ESRRG: variants seen among roughly 807,000 people sequenced by gnomAD.
The protein encoded by ESRRG is estrogen related receptor gamma, also known as estrogen-related receptor gamma.
A neutral mutation model predicts 44.0 loss-of-function variants in ESRRG; 13 were observed. The observed-to-expected ratio is 0.30, with a 90% CI of 0.19 to 0.47. The LOEUF (loss-of-function observed/expected upper bound fraction) is 0.47, where lower values mean the gene tolerates loss of function less well. Among genes scored for constraint, ESRRG ranks in the 20% least tolerant of loss-of-function variants. ESRRG has a pLI of 1.00. For synonymous variants in ESRRG, 215 were observed against 214.6 expected, an observed-to-expected ratio of 1.00 and a Z score of -0.02; for missense variants, 395 against 580.6, an observed-to-expected ratio of 0.68 and a Z score of 3.29.
intron 5 of ESRRG, among the ~76,000 whole-genome samples, chr1:216,536,157 ACTT>A (rs1324960392): frequency 6.6e-6 from 1 of 151,944 alleles, no homozygotes; most frequent in Non-Finnish European, 1.5e-5. Flanking sequence ...TTCTGTGTTC[ACTT>A]CTTCTCTTCT....
chr1:216,677,918 A>G (rs2076383535), intron 1 of ESRRG, among the ~76,000 whole-genome samples: 1 of 152,168 alleles, frequency 6.6e-6, no homozygotes, highest in African/African-American at 2.4e-5. Flanking sequence ...CCATTTCTAA[A>G]ATTGTATTTA....
At chr1:216,720,081 G>A (rs1194049327) in intron 1 of ESRRG, among the ~76,000 whole-genome samples, 1 of 152,014 alleles carries the variant, frequency 6.6e-6, no homozygotes. Context: ...CTCAGGAACA[G>A]TTGTTTTTTT....
chr1:217,123,133 A>G (rs954498862), intron 1 of ESRRG, among the ~76,000 whole-genome samples: 1 of 152,202 alleles, frequency 6.6e-6, no homozygotes, highest in Non-Finnish European at 1.5e-5. Flanking sequence ...AGAAATGCTA[A>G]CCAATGGAAA....
intron 4 of ESRRG, among the ~76,000 whole-genome samples, chr1:216,565,495 T>C (rs893552005): frequency 9.2e-5 from 14 of 152,208 alleles, no homozygotes; most frequent in African/African-American, 3.4e-4. Context: ...TCTAAGTTTT[T>C]AACTTTTTTA....
intron 3 of ESRRG, among the ~76,000 whole-genome samples, chr1:216,645,648 G>A (rs919997843): frequency 2.0e-5 from 3 of 151,966 alleles, no homozygotes; most frequent in African/African-American, 7.2e-5. Context: ...GAAACTGGAG[G>A]ATCACTTGGG....
chr1:216,538,373 G>A (rs1318507467), intron 5 of ESRRG, among the ~76,000 whole-genome samples: 1 of 152,042 alleles, frequency 6.6e-6, no homozygotes, highest in Admixed American at 6.6e-5. Context: ...CATCTTGAAT[G>A]AGGACAAAAG....
intron 2 of ESRRG, among the ~76,000 whole-genome samples, chr1:216,934,181 TC>T (rs775686811): frequency 6.6e-6 from 1 of 152,120 alleles, no homozygotes; most frequent in Non-Finnish European, 1.5e-5. Context: ...CGCCTGTAAT[TC>T]CAGCACTTTA....
intron 1 of ESRRG, among the ~76,000 whole-genome samples, chr1:217,109,274 C>G (rs1469170443): frequency 1.3e-5 from 2 of 152,064 alleles, no homozygotes; most frequent in African/African-American, 2.4e-5. Flanking sequence ...TAGAAGCTTC[C>G]TTCCATTTAA....
chr1:216,697,910 C>T (rs541923291), intron 1 of ESRRG, among the ~76,000 whole-genome samples: 14 of 152,300 alleles, frequency 9.2e-5, no homozygotes, highest in African/African-American at 3.4e-4. Context: ...AAGGCATAGT[C>T]TCAACCAAGA....
intron 2 of ESRRG, among the ~76,000 whole-genome samples, chr1:216,792,006 A>C (rs1228336231): frequency 1.3e-5 from 2 of 152,174 alleles, no homozygotes; most frequent in Non-Finnish European, 2.9e-5. Flanking sequence ...AAGAAATATA[A>C]GAAAAATTAT....
chr1:217,034,214 T>G (rs971204895), intron 1 of ESRRG, among the ~76,000 whole-genome samples: 2 of 152,172 alleles, frequency 1.3e-5, no homozygotes, highest in African/African-American at 2.4e-5. Flanking sequence ...GTCTATGAGA[T>G]TTTGCAACTT....
At chr1:217,114,746 C>T (rs952296175) in intron 1 of ESRRG, among the ~76,000 whole-genome samples, 2 of 150,524 alleles carry the variant, frequency 1.3e-5, no homozygotes, top group African/African-American at 4.9e-5. Flanking sequence ...AATCTCTGCC[C>T]CCTGGGTTCA....
chr1:216,845,336 T>C (rs1434846517), intron 2 of ESRRG, among the ~76,000 whole-genome samples: 1 of 152,084 alleles, frequency 6.6e-6, no homozygotes, highest in African/African-American at 2.4e-5. Flanking sequence ...GCAAGAGCCT[T>C]TATCAAAATA....
chr1:216,537,242 C>T (rs534077187), intron 5 of ESRRG, among the ~76,000 whole-genome samples: 1 of 152,014 alleles, frequency 6.6e-6, no homozygotes, highest in South Asian at 2.1e-4. Context: ...GCCCCTTCTC[C>T]ATAACAGAGC....
chr1:216,545,230 G>GT (rs5780892), intron 5 of ESRRG, among the ~76,000 whole-genome samples: 29,956 of 139,538 alleles, frequency 0.21, 3,655 homozygotes, highest in Non-Finnish European at 0.29. Flanking sequence ...TAATTTTTAT[G>GT]TTTTTTTTTT....
At position 216,504,203 on chromosome 1, in the gene ESRRG, T is replaced by C. The variant is rs2040830012; in HGVS notation, c.*2736A>G. The C allele has an allele frequency of 6.6e-6, 1 of 152,114 alleles. No homozygotes were observed. Among genetic ancestry groups the C allele is most frequent in the African/African-American group, 2.4e-5 (1 of 41,444 alleles). The allele number at this position is 152,114 out of a possible 1,614,324, so 9.4% of individuals were successfully genotyped here. On this transcript the variant is annotated 3_prime_UTR_variant, in exon 7 of 7. Transcript: ENST00000408911. ...GTGAAAACAATGTATATATTGTATA[T>C]ATTTTATTTATATATAGTGTAGTTG...
intron 1 of ESRRG, among the ~76,000 whole-genome samples, chr1:217,010,095 C>T (rs1490069791): frequency 6.6e-6 from 1 of 152,006 alleles, no homozygotes; most frequent in Non-Finnish European, 1.5e-5. Context: ...TGATGGAGTA[C>T]AATACGAAGA....
intron 2 of ESRRG, among the ~76,000 whole-genome samples, chr1:216,779,270 TTTATATTTATAAACA>T (rs1185849825): frequency 1.2e-3 from 56 of 46,162 alleles, no homozygotes; most frequent in Middle Eastern, 0.019. Flanking sequence ...TAAATATATA[TTTATATTTATAAACA>T]TTATATTTAT....
At chr1:217,056,669 A>G (rs1436334865) in intron 1 of ESRRG, among the ~76,000 whole-genome samples, 1 of 151,316 alleles carries the variant, frequency 6.6e-6, no homozygotes, top group Non-Finnish European at 1.5e-5. Context: ...GATTCTGGCC[A>G]TGACGGCAGC....
Sources: allele counts gnomAD v4.1 joint callset (sites outside exome capture counted in the v4.1 genomes callset), GRCh38; gene constraint gnomAD v4.1.1; transcripts MANE v1.5; gene names NCBI Gene and HGNC (gene_info 2026-07-23, HGNC 2026-07-21).